The following USP6NL variants were observed in gnomAD, a reference collection of about 807,000 sequenced individuals.
The protein encoded by USP6NL is USP6 N-terminal-like protein.
Under a neutral mutation model 61.9 loss-of-function variants are expected in USP6NL, and 26 were observed. The observed-to-expected ratio is 0.42, with a 90% CI of 0.31 to 0.58. The LOEUF (loss-of-function observed/expected upper bound fraction) is 0.58, where lower values mean the gene tolerates loss of function less well. USP6NL is among the 20% of genes least tolerant of loss of function. The pLI is 0.16. For missense variants in USP6NL, 1,114 were observed against 1,034.3 expected (o/e 1.08, Z -1.06); for synonymous variants, 432 against 390.1 (o/e 1.11, Z -1.27).
Position 11,463,824 on chromosome 10 carries a change from C to T in USP6NL, c.1104G>A (p.Lys368=). Residue 368 remains lysine (K), a synonymous_variant, in exon 15 of 15, where the codon AAG becomes AAA. Transcript: ENST00000609104. This position sits in a 1 kb window ranked among gnomAD's most constrained non-coding sequence, Gnocchi z 6.3. The part of the protein sequence containing the change: ...EPGKEDEYPK[K]PLGQLPPELQ... ...GTTCAGGTGGAAGCTGCCCCAAGGG[C>T]TTCTTTGGATATTCATCCTCTTTAC... The T allele has an allele frequency of 6.8e-7, 1 of 1,468,720 alleles. No individual in the cohort carries two copies. Among genetic ancestry groups the T allele is most frequent in the Non-Finnish European group, 9.0e-7 (1 of 1,109,792 alleles). 91.0% of individuals were successfully genotyped at this position (1,468,720 alleles called of 1,614,324 possible).
At chr10:11,522,908 C>G (rs941229404) in intron 4 of USP6NL, among the ~76,000 whole-genome samples, 3 of 152,204 alleles carry the variant, frequency 2.0e-5, no homozygotes, top group Non-Finnish European at 4.4e-5. Context: ...AAGGTCCACA[C>G]CCTAGAGCTG....
intron 6 of USP6NL, among the ~76,000 whole-genome samples, chr10:11,507,360 C>T (rs1834495159): frequency 6.6e-6 from 1 of 152,148 alleles, no homozygotes; most frequent in African/African-American, 2.4e-5. Context: ...TAATATTAAA[C>T]AAGAGAACAG....
rs1020773808 is a variant in USP6NL at position 11,548,379 on chromosome 10, C to A, written c.5-20812G>T. Among the ~76,000 whole-genome samples, 4 of 152,160 alleles carry A rather than the reference C, an allele frequency of 2.6e-5. No homozygotes were observed. The highest frequency in any genetic ancestry group is 5.9e-5 in the Non-Finnish European group (4 of 68,016). ...GGCTGTTAAGTCAATTTAATGGGTT[C>A]TTATTAGCACATACTTAATTAAAAT... On this transcript the variant is annotated intron_variant, in intron 2 of 14. Coordinates refer to ENST00000609104, the MANE Select transcript of USP6NL (RefSeq NM_014688.5). The surrounding 1 kb of genome is among the most constrained non-coding windows in gnomAD (Gnocchi z 4.3).
intron 2 of USP6NL, among the ~76,000 whole-genome samples, chr10:11,556,566 A>G (rs997469015): frequency 6.6e-6 from 1 of 152,232 alleles, no homozygotes; most frequent in African/African-American, 2.4e-5. Flanking sequence ...ATACGAAAGT[A>G]AAAGAATGGG....
rs1836554773 is a variant in USP6NL at position 11,553,097 on chromosome 10, C to T, written c.5-25530G>A. Among the ~76,000 whole-genome samples, 1 of 151,914 alleles carries T rather than the reference C, an allele frequency of 6.6e-6. No homozygotes were observed. Among genetic ancestry groups the T allele is most frequent in the African/African-American group, 2.4e-5 (1 of 41,412 alleles). ...CATTTTTAACATTTTATTTATCCTT[C>T]ACCCCTCTACCTGTAATTTCTCACT... On this transcript the variant is annotated intron_variant, in intron 2 of 14. Transcript: ENST00000609104. This position sits in a 1 kb window ranked among gnomAD's most constrained non-coding sequence, Gnocchi z 4.8.
intron 2 of USP6NL, among the ~76,000 whole-genome samples, chr10:11,578,128 T>C (rs769040025): frequency 6.6e-6 from 1 of 152,050 alleles, no homozygotes; most frequent in Non-Finnish European, 1.5e-5. Flanking sequence ...CCACCATGCA[T>C]AGCTAATTTT....
rs374148753 is a variant in USP6NL at position 11,596,361 on chromosome 10, C to T, written c.4+1270G>A. Among the ~76,000 whole-genome samples the T allele has an allele frequency of 6.6e-5, 10 of 152,298 alleles. No individual in the cohort carries two copies. The South Asian group carries it at 2.1e-3, about 32-fold the overall frequency. ...TCTTGGCCGGGCGCGGTGGCTCACG[C>T]CTGTAATCCCAGCATTTTGGGAGGC... On this transcript the variant is annotated intron_variant, in intron 2 of 14. Transcript: ENST00000609104. This position sits in a 1 kb window ranked among gnomAD's most constrained non-coding sequence, Gnocchi z 4.1.
chr10:11,499,295 T>C lies in USP6NL; in HGVS notation c.384+1806A>G, dbSNP rs1591848304. Among the ~76,000 whole-genome samples the C allele has an allele frequency of 6.6e-6, 1 of 152,204 alleles. No homozygotes were observed. Among genetic ancestry groups the C allele is most frequent in the African/African-American group, 2.4e-5 (1 of 41,452 alleles). On this transcript the variant is annotated intron_variant, in intron 7 of 14. Coordinates refer to ENST00000609104, the MANE Select transcript of USP6NL (RefSeq NM_014688.5). This position sits in a 1 kb window ranked among gnomAD's most constrained non-coding sequence, Gnocchi z 4.5. Reference sequence around the variant, plus strand: ...GTGTTGAAAATCATAGGCTTGAAGGTACTGGCAGGCAAGTCATTCTTTTGT... The same window carrying C: ...GTGTTGAAAATCATAGGCTTGAAGGCACTGGCAGGCAAGTCATTCTTTTGT...
At position 11,597,502 on chromosome 10, in the gene USP6NL, T is replaced by A; in HGVS notation, c.4+129A>T. 1 of 949,362 alleles carries A rather than the reference T, an allele frequency of 1.1e-6. No individual in the cohort carries two copies. The highest frequency in any genetic ancestry group is 1.4e-5 in the South Asian group (1 of 70,432). The allele number at this position is 949,362 out of a possible 1,614,324, so 58.8% of individuals were successfully genotyped here. The stretch of plus-strand genomic sequence containing the variant: ...ACACAGACAAGCGCAGAGTGCTGGG[T>A]GGAACCACATTCAAACTCTGAATAA... On this transcript the variant is annotated intron_variant, in intron 2 of 14. Coordinates refer to ENST00000609104, the MANE Select transcript of USP6NL (RefSeq NM_014688.5). The surrounding 1 kb of genome is among the most constrained non-coding windows in gnomAD (Gnocchi z 4.6).
At position 11,525,611 on chromosome 10, in the gene USP6NL, A is replaced by AT. The variant is rs1001934577; in HGVS notation, c.73-144dup. Reference sequence around the variant, plus strand: ...GAAGTGAGGCATTATGAGCCTTAACATTTTTTTTTCCCCTTTAAACCCAAC... The same window carrying AT: ...GAAGTGAGGCATTATGAGCCTTAACATTTTTTTTTTCCCCTTTAAACCCAAC... On this transcript the variant is annotated intron_variant, in intron 3 of 14. Coordinates refer to ENST00000609104, the MANE Select transcript of USP6NL (RefSeq NM_014688.5). This position sits in a 1 kb window ranked among gnomAD's most constrained non-coding sequence, Gnocchi z 5.0. 8.9e-4 allele frequency: 622 copies of AT among 700,570 alleles called. No individual in the cohort carries two copies. Among genetic ancestry groups the AT allele is most frequent in the Middle Eastern group, 1.6e-3 (4 of 2,458 alleles). The allele number at this position is 700,570 out of a possible 1,614,324, so 43.4% of individuals were successfully genotyped here.
At chr10:11,517,937 C>T (rs2133374187) in intron 5 of USP6NL, among the ~76,000 whole-genome samples, 1 of 152,290 alleles carries the variant, frequency 6.6e-6, no homozygotes, top group South Asian at 2.1e-4. Flanking sequence ...TAAAACATTC[C>T]GTCACTACTT....
At chr10:11,467,629 C>T (rs553639558) in intron 14 of USP6NL, among the ~76,000 whole-genome samples, 2 of 152,280 alleles carry the variant, frequency 1.3e-5, no homozygotes, top group African/African-American at 4.8e-5. Context: ...GTATTTTTAA[C>T]ACTAACTAGT....
intron 2 of USP6NL, among the ~76,000 whole-genome samples, chr10:11,583,442 C>G (rs1837856617): frequency 6.6e-6 from 1 of 152,086 alleles, no homozygotes; most frequent in South Asian, 2.1e-4. Context: ...CCACCCACCT[C>G]AGCCTCCCAA....
rs975756136 is a variant in USP6NL, at chr10:11,537,900, T to A, written c.5-10333A>T. Among the ~76,000 whole-genome samples the A allele has an allele frequency of 6.6e-6, 1 of 152,210 alleles. No homozygotes were observed. Among genetic ancestry groups the A allele is most frequent in the Non-Finnish European group, 1.5e-5 (1 of 68,032 alleles). On this transcript the variant is annotated intron_variant, in intron 2 of 14. Transcript: ENST00000609104. The surrounding 1 kb of genome is among the most constrained non-coding windows in gnomAD (Gnocchi z 5.1). The stretch of plus-strand genomic sequence containing the variant: ...TTCAAGGAGTCCCCTTGATTCTCCA[T>A]GGCTTGCCCCTGATTCTGCAAATAA...
In USP6NL at chr10:11,463,328, T is replaced by C. The variant is rs1358462595; in HGVS notation, c.1600A>G (p.Met534Val). 1 of 1,613,892 alleles carries C rather than the reference T, an allele frequency of 6.2e-7. No homozygotes were observed. The highest frequency in any genetic ancestry group is 8.5e-7 in the Non-Finnish European group (1 of 1,179,862). ...EVRVSNVRPK[M>V]KALDAEDGKR... The stretch of plus-strand genomic sequence containing the variant: ...CCGTCCTCAGCATCCAGGGCCTTCA[T>C]CTTTGGCCGCACGTTTGACACCCGC... Residue 534 changes from methionine to valine, a missense_variant, in exon 15 of 15, where the codon ATG becomes GTG. Coordinates refer to ENST00000609104, the MANE Select transcript of USP6NL (RefSeq NM_014688.5). The surrounding 1 kb of genome is among the most constrained non-coding windows in gnomAD (Gnocchi z 6.3).
chr10:11,590,277 GAAGA>G (rs1192140336), intron 2 of USP6NL, among the ~76,000 whole-genome samples: 9 of 152,144 alleles, frequency 5.9e-5, no homozygotes, highest in Non-Finnish European at 7.4e-5. Flanking sequence ...CAATTCTGAG[GAAGA>G]AAGACAGAGG....
rs368245635 is a variant in USP6NL at position 11,600,683 on chromosome 10, T to C, written c.-83-2966A>G. Among the ~76,000 whole-genome samples the C allele has an allele frequency of 3.3e-4, 51 of 152,270 alleles. No homozygotes were observed. The highest frequency in any genetic ancestry group is 1.1e-3 in the African/African-American group (45 of 41,568). On this transcript the variant is annotated intron_variant, in intron 1 of 14. Coordinates refer to ENST00000609104, the MANE Select transcript of USP6NL (RefSeq NM_014688.5). The surrounding 1 kb of genome is among the most constrained non-coding windows in gnomAD (Gnocchi z 4.1). ...GTGAGAAATAAGCATTAAAAATGTT[T>C]ATCAGGCTGGGCACGGTGGCTCACG...
chr10:11,589,971 T>A lies in USP6NL; in HGVS notation c.4+7660A>T, dbSNP rs546250365. On this transcript the variant is annotated intron_variant, in intron 2 of 14. Transcript: ENST00000609104. This position sits in a 1 kb window ranked among gnomAD's most constrained non-coding sequence, Gnocchi z 4.7. ...CTACCAACTGCCTGCACAACGGCCA[T>A]TATCTCTGAACATGAATAAGAATAA... Among the ~76,000 whole-genome samples, 21 of 152,280 alleles carry A rather than the reference T, an allele frequency of 1.4e-4. No homozygotes were observed. Among genetic ancestry groups the A allele is most frequent in the African/African-American group, 5.1e-4 (21 of 41,540 alleles).
rs577656350 is a variant in USP6NL at position 11,602,926 on chromosome 10, C to G, written c.-83-5209G>C. 4.6e-5 allele frequency among the ~76,000 whole-genome samples: 7 copies of G among 152,308 alleles called. No individual in the cohort carries two copies. In the South Asian group the frequency reaches 1.5e-3, roughly 32 times the overall value. On this transcript the variant is annotated intron_variant, in intron 1 of 14. Transcript: ENST00000609104. This position sits in a 1 kb window ranked among gnomAD's most constrained non-coding sequence, Gnocchi z 4.8. ...GTCTCAACACTGTACTTTCACAGTTCTTATGCTTTCCCTAAAGAATGCTCT... is the reference window on the plus strand; with the variant it reads ...GTCTCAACACTGTACTTTCACAGTTGTTATGCTTTCCCTAAAGAATGCTCT...
Sources: allele counts gnomAD v4.1 joint callset (sites outside exome capture counted in the v4.1 genomes callset), GRCh38; gene constraint gnomAD v4.1.1; non-coding constraint Gnocchi (gnomAD v3.1); transcripts MANE v1.5; gene names NCBI Gene and HGNC (gene_info 2026-07-23, HGNC 2026-07-21).